OVOL3: variants seen among roughly 807,000 people sequenced by gnomAD.
OVOL3 encodes the protein ovo like zinc finger 3, also known as putative transcription factor ovo-like protein 3.
In OVOL3, 15 loss-of-function variants were observed where a neutral mutation model predicts 13.6. The ratio of observed to expected loss-of-function variants is 1.11; its 90% CI spans 0.74 to 1.70. OVOL3 has a LOEUF of 1.70. Among genes scored for constraint, OVOL3 ranks in the 40% most tolerant of loss-of-function variants. The pLI is 0.00. For missense variants in OVOL3, 290 were observed against 280.6 expected, an observed-to-expected ratio of 1.03 and a Z score of -0.24; for synonymous variants, 102 against 108.5, an observed-to-expected ratio of 0.94 and a Z score of 0.37.
chr19:36,113,071 G>A (rs1973863409), intron 3 of OVOL3, 107 bp downstream of exon 3: 2 of 1,225,078 alleles, frequency 1.6e-6, no homozygotes, highest in Non-Finnish European at 2.3e-6. Flanking sequence ...TGTATGTGGG[G>A]TATGGAGAAT....
rs749783263 is a variant in OVOL3, at chr19:36,112,886, C to A, written c.286C>A (p.Arg96Ser). Residue 96 changes from arginine (R) to serine (S), a missense_variant, in exon 3 of 4, where the codon CGC (arginine) becomes AGC (serine). Coordinates refer to ENST00000633214, the MANE Select transcript of OVOL3 (RefSeq NM_001302757.2). ...GCACCTCAAGTGCCACAGCCCCGTG[C>A]GCCGCCACCTGTGCCGCTGTTGTGG... ...TRHLKCHSPV[R>S]RHLCRCCGKG... 2.0e-6 allele frequency: 3 copies of A among 1,536,032 alleles called. No individual in the cohort carries two copies. The highest frequency in any genetic ancestry group is 2.6e-6 in the Non-Finnish European group (3 of 1,146,938).
At chr19:36,113,371 C>A (rs1599859553) in intron 3 of OVOL3, 82 bp from the exon 4 acceptor site, 1 of 1,385,324 alleles carries the variant, frequency 7.2e-7, no homozygotes. Flanking sequence ...ATGCTCAACA[C>A]TGGAAAGCAG....
rs1171049213 is a variant in OVOL3 at position 36,113,593 on chromosome 19, G to A, written c.505G>A (p.Asp169Asn). The A allele has an allele frequency of 1.3e-6, 2 of 1,540,094 alleles. No individual in the cohort carries two copies. Among genetic ancestry groups the A allele is most frequent in the Non-Finnish European group, 1.7e-6 (2 of 1,146,912 alleles). The change falls in exon 4 of 4, where the codon GAC becomes AAC. Residue 169 changes from aspartate to asparagine, a missense_variant. Asp to Asn is a conservative substitution (Grantham distance 23). Transcript: ENST00000633214. Reference sequence around the variant, plus strand: ...CCGCGAGAAGCTGCACGTGTGCGAGGACTGCGGCTTCACCAGCTCCCGGCC... The same window carrying A: ...CCGCGAGAAGCTGCACGTGTGCGAGAACTGCGGCTTCACCAGCTCCCGGCC... The part of the protein sequence containing the change: ...ERREKLHVCE[D>N]CGFTSSRPDT...
chr19:36,111,309 C>T lies in OVOL3; in HGVS notation c.94+13C>T, dbSNP rs1405311320. ...GCCTATATCCCAGGTGGGCCCCTCA[C>T]TGTGCCTGGAGGTAAGGGGCAGGAG... On this transcript the variant is annotated intron_variant, in intron 1 of 3. Coordinates refer to ENST00000633214, the MANE Select transcript of OVOL3 (RefSeq NM_001302757.2). The T allele has an allele frequency of 1.3e-6, 2 of 1,535,810 alleles. No homozygotes were observed. Among genetic ancestry groups the T allele is most frequent in the East Asian group, 4.9e-5 (2 of 40,918 alleles).
rs1274482473 is a variant in OVOL3, at chr19:36,111,360, T to C, written c.95-9T>C. On this transcript the variant is annotated splice_polypyrimidine_tract_variant and intron_variant, in intron 1 of 3. Coordinates refer to ENST00000633214, the MANE Select transcript of OVOL3 (RefSeq NM_001302757.2). ...AGACGCAGTGTCACCATCTGGCTTT[T>C]CTCCTCAGACTGCAGCAGCCTGGGG... 20 of 1,535,520 alleles carry C rather than the reference T, an allele frequency of 1.3e-5. No homozygotes were observed. The highest frequency in any genetic ancestry group is 2.0e-5 in the Admixed American group (1 of 50,944).
At position 36,112,911 on chromosome 19, in the gene OVOL3, G is replaced by A; in HGVS notation, c.311G>A (p.Gly104Asp). Residue 104 changes from glycine to aspartate, a missense_variant, in exon 3 of 4, where the codon GGC (glycine) becomes GAC (aspartate). Physicochemically the swap from Gly to Asp is moderately conservative, Grantham distance 94 (BLOSUM62 -1). Coordinates refer to ENST00000633214, the MANE Select transcript of OVOL3 (RefSeq NM_001302757.2). Reference protein sequence around the residue: ...PVRRHLCRCCGKGFHDAFDLK... With the variant: ...PVRRHLCRCCDKGFHDAFDLK... ...CGCCGCCACCTGTGCCGCTGTTGTG[G>A]CAAGGGCTTTCATGACGCCTTCGAT... 6.5e-7 allele frequency: 1 copy of A among 1,536,268 alleles called. No individual in the cohort carries two copies. The highest frequency in any genetic ancestry group is 8.7e-7 in the Non-Finnish European group (1 of 1,146,944).
chr19:36,112,800 C>T lies in OVOL3; in HGVS notation c.200C>T (p.Pro67Leu), dbSNP rs1191315663. The T allele has an allele frequency of 2.0e-6, 3 of 1,534,996 alleles. No individual in the cohort carries two copies. The highest frequency in any genetic ancestry group is 2.6e-6 in the Non-Finnish European group (3 of 1,146,696). Residue 67 changes from proline to leucine, a missense_variant, in exon 3 of 4, where the codon CCT (proline) becomes CTT (leucine). Physicochemically the swap from Pro to Leu is moderately conservative, Grantham distance 98. Transcript: ENST00000633214. ...AACCTGACCTCTGCTCCCAGGGGCC[C>T]TGGGACGCTGGGCTGCCCGCTCTGC... ...QGNLTSAPRG[P>L]GTLGCPLCPK...
At chr19:36,112,711 G>T in intron 2 of OVOL3, 49 bp from the exon 3 acceptor site, 3 of 1,462,604 alleles carry the variant, frequency 2.1e-6, no homozygotes, top group Non-Finnish European at 2.8e-6. Context: ...AGTAACAAAG[G>T]GTGGATGGGG....
rs956864519 is a variant in OVOL3, at chr19:36,112,747, T to A, written c.160-13T>A. 23 of 1,530,334 alleles carry A rather than the reference T, an allele frequency of 1.5e-5. No individual in the cohort carries two copies. In the Admixed American group the frequency reaches 3.5e-4, roughly 24 times the overall value. The allele number at this position is 1,530,334 out of a possible 1,614,324, so 94.8% of individuals were successfully genotyped here. A position where few individuals can be genotyped will look rare whatever the true frequency, so the allele number is the denominator to read the frequency against. The stretch of plus-strand genomic sequence containing the variant: ...TCCAGCCAGAGAGGCTAATAACTCC[T>A]GCATCCCTCCAGCAGCCCACACAGG... On this transcript the variant is annotated splice_polypyrimidine_tract_variant and intron_variant, in intron 2 of 3. Transcript: ENST00000633214.
intron 2 of OVOL3, chr19:36,111,840 C>A (rs1271701234): frequency 2.2e-6 from 1 of 464,592 alleles, no homozygotes; most frequent in Non-Finnish European, 4.3e-6. Context: ...CTGTTCTAGG[C>A]ATGGGCTGTT....
intron 2 of OVOL3, 189 bp downstream of exon 2, chr19:36,111,622 T>G: frequency 1.4e-6 from 1 of 720,570 alleles, no homozygotes; most frequent in Non-Finnish European, 2.5e-6. Flanking sequence ...TACTGTTAGG[T>G]CTCACCCCAG....
chr19:36,111,676 A>G, intron 2 of OVOL3: 2 of 665,830 alleles, frequency 3.0e-6, no homozygotes, highest in Non-Finnish European at 5.5e-6. Context: ...AGCGGGGCAC[A>G]AGATTCATCC....
chr19:36,111,295 A>G lies in OVOL3; in HGVS notation c.93A>G (p.Pro31=), dbSNP rs1450682527. The change falls in exon 1 of 4, where the codon CCA becomes CCG. Residue 31 remains proline (P), a splice_region_variant and synonymous_variant. Coordinates refer to ENST00000633214, the MANE Select transcript of OVOL3 (RefSeq NM_001302757.2). ...AGCTCCGGGGAGATGCCTATATCCC[A>G]GGTGGGCCCCTCACTGTGCCTGGAG... ...PDQLRGDAYI[P]DCSSLGGPPA... 6.5e-7 allele frequency: 1 copy of G among 1,535,934 alleles called. No individual in the cohort carries two copies. Among genetic ancestry groups the G allele is most frequent in the Non-Finnish European group, 8.7e-7 (1 of 1,146,786 alleles).
Position 36,113,619 on chromosome 19 carries a change from C to G in OVOL3, c.531C>G (p.Pro177=), listed in dbSNP as rs759194413. 3.9e-6 allele frequency: 6 copies of G among 1,544,420 alleles called. No homozygotes were observed. The highest frequency in any genetic ancestry group is 4.4e-6 in the Non-Finnish European group (5 of 1,146,916). Residue 177 remains proline (P), a synonymous_variant, in exon 4 of 4, where the codon CCC becomes CCG. Coordinates refer to ENST00000633214, the MANE Select transcript of OVOL3 (RefSeq NM_001302757.2). ...ACTGCGGCTTCACCAGCTCCCGGCC[C>G]GACACCTACGCACAGCACCGCGCCC... The part of the protein sequence containing the change: ...CEDCGFTSSR[P]DTYAQHRALH...
rs1973856852 is a variant in OVOL3, at chr19:36,112,855, G to T, written c.255G>T (p.Leu85=). The T allele has an allele frequency of 6.5e-7, 1 of 1,535,992 alleles. No homozygotes were observed. Among genetic ancestry groups the T allele is most frequent in the Non-Finnish European group, 8.7e-7 (1 of 1,146,928 alleles). ...AGGCCTTCCCTCTGCAGCGCATGCT[G>T]ACAAGGCACCTCAAGTGCCACAGCC... ...CPKAFPLQRM[L]TRHLKCHSPV... Residue 85 remains leucine (L), a synonymous_variant, in exon 3 of 4, where the codon CTG becomes CTT. Transcript: ENST00000633214.
Position 36,112,906 on chromosome 19 carries a change from T to A in OVOL3, c.306T>A (p.Cys102Ter), listed in dbSNP as rs1445259911. ...HSPVRRHLCRCCGKGFHDAFD... is the reference protein window; with the variant it reads ...HSPVRRHLCR Reference sequence around the variant, plus strand: ...CCGTGCGCCGCCACCTGTGCCGCTGTTGTGGCAAGGGCTTTCATGACGCCT... The same window carrying A: ...CCGTGCGCCGCCACCTGTGCCGCTGATGTGGCAAGGGCTTTCATGACGCCT... Residue 102 changes from cysteine to a stop codon, truncating the protein, a stop_gained, in exon 3 of 4, where the codon TGT becomes TGA. Transcript: ENST00000633214. LOFTEE classifies it high-confidence loss of function. 6.5e-7 allele frequency: 1 copy of A among 1,536,224 alleles called. No individual in the cohort carries two copies. The highest frequency in any genetic ancestry group is 8.7e-7 in the Non-Finnish European group (1 of 1,146,940).
intron 2 of OVOL3, among the ~76,000 whole-genome samples, chr19:36,112,474 C>T (rs1312041874): frequency 6.6e-6 from 1 of 151,850 alleles, no homozygotes; most frequent in Non-Finnish European, 1.5e-5. Flanking sequence ...GACCTGACAT[C>T]ATACCACTTC....
At chr19:36,111,558 C>A in intron 2 of OVOL3, 125 bp downstream of exon 2, 1 of 934,194 alleles carries the variant, frequency 1.1e-6, no homozygotes, top group Non-Finnish European at 1.7e-6. Flanking sequence ...GGGACCTGTC[C>A]GCCCCTACTT....
At chr19:36,111,802 A>G in intron 2 of OVOL3, 1 of 483,532 alleles carries the variant, frequency 2.1e-6, no homozygotes, top group South Asian at 1.5e-5. Context: ...CGCCAGCCGG[A>G]ATGTAATATA....
Sources: gnomAD v4.1 joint callset for allele counts (sites outside exome capture counted in the v4.1 genomes callset) on GRCh38, gnomAD v4.1.1 for gene constraint, MANE v1.5 for transcripts, NCBI Gene and HGNC (gene_info 2026-07-23, HGNC 2026-07-21) for gene names.